Variants in PLD5 observed in about 807,000 individuals in gnomAD.
PLD5 encodes the protein inactive phospholipase D5.
Under a neutral mutation model 61.1 loss-of-function variants are expected in PLD5, and 36 were observed. That is an observed-to-expected ratio of 0.59 (90% CI 0.45 to 0.78). PLD5 has a LOEUF of 0.78. Among genes scored for constraint, PLD5 ranks in the 30% least tolerant of loss-of-function variants. The pLI, the probability that PLD5 is intolerant of heterozygous loss-of-function variation, is 0.00. For synonymous variants in PLD5, 243 were observed against 242.8 expected (o/e 1.00, Z -0.01); for missense variants, 515 against 644.4 (o/e 0.80, Z 2.17).
intron 1 of PLD5, among the ~76,000 whole-genome samples, chr1:242,389,452 T>A (rs12090698): frequency 0.017 from 2,538 of 152,192 alleles, 78 homozygotes; most frequent in African/African-American, 0.058. Flanking sequence ...GGACTCTGTT[T>A]AGATAATATT....
At chr1:242,222,443 C>T (rs1238962013) in intron 4 of PLD5, among the ~76,000 whole-genome samples, 1 of 152,138 alleles carries the variant, frequency 6.6e-6, no homozygotes, top group Non-Finnish European at 1.5e-5. Flanking sequence ...CCTCAGATTC[C>T]ACGTCAGCAT....
At chr1:242,315,365 T>C (rs187301962) in intron 2 of PLD5, among the ~76,000 whole-genome samples, 29 of 151,786 alleles carry the variant, frequency 1.9e-4, no homozygotes, top group Admixed American at 1.8e-3. Flanking sequence ...TGCAAGAAAT[T>C]ATAAATTTCT....
rs535765057 is a variant in PLD5, at chr1:242,258,547, G to A, written c.607+6790C>T. ...TCTCTGACATTGCAATGCATCTTAC[G>A]ATTGCTACAGACCAAGTGACAAGTT... On this transcript the variant is annotated intron_variant, in intron 4 of 9. Coordinates refer to ENST00000536534, the MANE Select transcript of PLD5 (RefSeq NM_001372062.1). Among the ~76,000 whole-genome samples the A allele has an allele frequency of 2.8e-4, 43 of 152,178 alleles. 1 individual carries two copies. In the South Asian group the frequency reaches 8.7e-3, roughly 31 times the overall value.
intron 1 of PLD5, among the ~76,000 whole-genome samples, chr1:242,468,441 T>A (rs974357352): frequency 3.3e-5 from 5 of 152,168 alleles, no homozygotes; most frequent in African/African-American, 9.7e-5. Context: ...TAAAATAGAA[T>A]AGCCTTTCTT....
At chr1:242,154,078 G>A (rs1394060132) in intron 5 of PLD5, among the ~76,000 whole-genome samples, 2 of 152,126 alleles carry the variant, frequency 1.3e-5, no homozygotes, top group Non-Finnish European at 2.9e-5. Flanking sequence ...CTTGTAAGTT[G>A]TATTCCCAGG....
At chr1:242,433,494 A>C (rs569907249) in intron 1 of PLD5, among the ~76,000 whole-genome samples, 2 of 152,274 alleles carry the variant, frequency 1.3e-5, no homozygotes, top group East Asian at 3.9e-4. Context: ...TTTTCCACTT[A>C]ATATATTGAG....
Position 242,421,619 on chromosome 1 carries a change from A to G in PLD5, c.190-73377T>C, listed in dbSNP as rs374272854. Among the ~76,000 whole-genome samples, 26 of 152,314 alleles carry G rather than the reference A, an allele frequency of 1.7e-4. No homozygotes were observed. In the East Asian group the frequency reaches 2.9e-3, roughly 17 times the overall value. On this transcript the variant is annotated intron_variant, in intron 1 of 9. Coordinates refer to ENST00000536534, the MANE Select transcript of PLD5 (RefSeq NM_001372062.1). ...ATAGTCATACAGTCCCTGGAATCCT[A>G]TATCAACGAAAGTTGGGAGGTCTTC... is the stretch of plus-strand genomic sequence containing the variant.
intron 6 of PLD5, among the ~76,000 whole-genome samples, chr1:242,120,576 T>C (rs1175770825): frequency 6.6e-6 from 1 of 152,202 alleles, no homozygotes; most frequent in Non-Finnish European, 1.5e-5. Flanking sequence ...GATTTTTCCA[T>C]AGCAGCATCA....
intron 1 of PLD5, among the ~76,000 whole-genome samples, chr1:242,435,752 C>A (rs928184683): frequency 5.5e-4 from 83 of 152,152 alleles, no homozygotes; most frequent in African/African-American, 1.9e-3. Context: ...ATCATAGTGA[C>A]TTTATGGAAT....
intron 1 of PLD5, among the ~76,000 whole-genome samples, chr1:242,352,209 T>C (rs923128411): frequency 4.6e-5 from 7 of 152,180 alleles, no homozygotes; most frequent in African/African-American, 1.7e-4. Flanking sequence ...CATCTCCTCA[T>C]CCCCTCTACC....
At chr1:242,124,415 A>G in intron 6 of PLD5, 53 bp downstream of exon 6, 1 of 1,538,608 alleles carries the variant, frequency 6.5e-7, no homozygotes, top group Non-Finnish European at 8.9e-7. Flanking sequence ...CAACTTAATA[A>G]AGAGCCTTTG....
intron 1 of PLD5, among the ~76,000 whole-genome samples, chr1:242,369,544 C>T (rs977111): frequency 0.95 from 145,220 of 152,274 alleles, 69,613 homozygotes; most frequent in Non-Finnish European, 1. Context: ...TGTGCGTATG[C>T]TTATAAATAA....
intron 2 of PLD5, among the ~76,000 whole-genome samples, chr1:242,329,864 G>C (rs1436020865): frequency 1.3e-5 from 2 of 152,110 alleles, no homozygotes; most frequent in East Asian, 3.9e-4. Context: ...CCCATTTACA[G>C]AAGGGAAAAC....
chr1:242,413,354 T>G (rs1044812317), intron 1 of PLD5, among the ~76,000 whole-genome samples: 2 of 152,128 alleles, frequency 1.3e-5, no homozygotes, highest in Non-Finnish European at 2.9e-5. Flanking sequence ...TGAGGTCCTA[T>G]TACATATGAT....
At chr1:242,285,194 C>A (rs1674949681) in intron 3 of PLD5, among the ~76,000 whole-genome samples, 1 of 152,216 alleles carries the variant, frequency 6.6e-6, no homozygotes, top group Non-Finnish European at 1.5e-5. Context: ...GTGTTATCAT[C>A]TTTCTACATC....
In PLD5 at chr1:242,321,295, TTCTC is replaced by T. The variant is rs891238501; in HGVS notation, c.326+26807_326+26810del. The stretch of plus-strand genomic sequence containing the variant: ...CATTTACCATCTATTCTTTCTTTCT[TTCTC>T]TCTCTCTCTCTTTTTTTTTTTTGGA... On this transcript the variant is annotated intron_variant, in intron 2 of 9. Coordinates refer to ENST00000536534, the MANE Select transcript of PLD5 (RefSeq NM_001372062.1). Among the ~76,000 whole-genome samples the T allele has an allele frequency of 2.6e-4, 40 of 151,288 alleles. No individual in the cohort carries two copies. The East Asian group carries it at 3.1e-3, about 12-fold the overall frequency.
intron 5 of PLD5, among the ~76,000 whole-genome samples, chr1:242,144,596 C>A (rs1220136570): frequency 3.9e-5 from 6 of 152,022 alleles, no homozygotes; most frequent in Non-Finnish European, 7.4e-5. Flanking sequence ...ACCTGGCCAA[C>A]ATGGTGAAAC....
intron 9 of PLD5, among the ~76,000 whole-genome samples, chr1:242,095,411 T>A (rs1660151301): frequency 6.6e-6 from 1 of 152,034 alleles, no homozygotes; most frequent in African/African-American, 2.4e-5. Context: ...TTTGTATTTT[T>A]AGTACAGACA....
chr1:242,132,723 G>A (rs1353930596), intron 5 of PLD5, among the ~76,000 whole-genome samples: 1 of 152,112 alleles, frequency 6.6e-6, no homozygotes, highest in Non-Finnish European at 1.5e-5. Flanking sequence ...CACAGTGGGT[G>A]GTTTATACCA....
Sources: allele counts gnomAD v4.1 joint callset (sites outside exome capture counted in the v4.1 genomes callset), GRCh38; gene constraint gnomAD v4.1.1; transcripts MANE v1.5; gene names NCBI Gene and HGNC (gene_info 2026-07-23, HGNC 2026-07-21).